ATP13A4: variants seen among roughly 807,000 people sequenced by gnomAD.
ATP13A4 encodes probable cation-transporting ATPase 13A4.
ATP13A4 carries 114 observed loss-of-function variants against 142.5 expected under a neutral mutation model. The observed-to-expected ratio is 0.80, with a 90% CI of 0.69 to 0.93. ATP13A4 has a LOEUF of 0.93. Ranked by LOEUF, ATP13A4 falls within the 40% of genes least tolerant of loss-of-function variation. The pLI is 0.00. For synonymous variants in ATP13A4, 488 were observed against 514.8 expected, an observed-to-expected ratio of 0.95 and a Z score of 0.70; for missense variants, 1,392 against 1,454.0, an observed-to-expected ratio of 0.96 and a Z score of 0.69.
At chr3:193,480,034 A>C (rs1719198304) in intron 8 of ATP13A4, among the ~76,000 whole-genome samples, 1 of 152,184 alleles carries the variant, frequency 6.6e-6, no homozygotes, top group East Asian at 1.9e-4. Flanking sequence ...CTAGTCAACA[A>C]ATGGTGTTGG....
Position 193,467,440 on chromosome 3 carries a change from G to A in ATP13A4, c.990C>T (p.Ser330=), listed in dbSNP as rs780531621. 1 of 1,613,948 alleles carries A rather than the reference G, an allele frequency of 6.2e-7. No individual in the cohort carries two copies. The highest frequency in any genetic ancestry group is 8.5e-7 in the Non-Finnish European group (1 of 1,179,972). ...CACTCTGTGTTTTCCAGGGCACAGAGCTATCCATCTTGGGTAACGGAGTTT... is the reference window on the plus strand; with the variant it reads ...CACTCTGTGTTTTCCAGGGCACAGAACTATCCATCTTGGGTAACGGAGTTT... ...VTKTPLPKMD[S]SVPWKTQSEA... The change falls in exon 10 of 30, where the codon AGC becomes AGT. Residue 330 remains serine (S), a synonymous_variant. Coordinates refer to ENST00000342695, the MANE Select transcript of ATP13A4 (RefSeq NM_032279.4).
chr3:193,545,620 G>C (rs922680792), intron 1 of ATP13A4, among the ~76,000 whole-genome samples: 1 of 152,128 alleles, frequency 6.6e-6, no homozygotes, highest in African/African-American at 2.4e-5. Flanking sequence ...TCTTCACAAA[G>C]CCTTGAAATG....
At chr3:193,465,377 G>T (rs187441867) in intron 11 of ATP13A4, among the ~76,000 whole-genome samples, 4 of 152,048 alleles carry the variant, frequency 2.6e-5, no homozygotes, top group Admixed American at 6.6e-5. Flanking sequence ...TAGTAGAGAC[G>T]GGGTTTTGCC....
intron 2 of ATP13A4, among the ~76,000 whole-genome samples, chr3:193,568,142 G>A (rs1208805292): frequency 1.3e-5 from 2 of 151,972 alleles, no homozygotes; most frequent in East Asian, 1.9e-4. Context: ...TGTATTTTTA[G>A]TAGAGACGGG....
intron 1 of ATP13A4, among the ~76,000 whole-genome samples, chr3:193,521,904 G>A (rs1721738767): frequency 6.6e-6 from 1 of 151,888 alleles, no homozygotes; most frequent in South Asian, 2.1e-4. Flanking sequence ...CTGCACTCCA[G>A]CCTGGGCCAC....
chr3:193,531,629 A>G (rs1331595938), intron 1 of ATP13A4, among the ~76,000 whole-genome samples: 3 of 152,180 alleles, frequency 2.0e-5, no homozygotes, highest in African/African-American at 4.8e-5. Flanking sequence ...TATTTGTTCA[A>G]TTGACATGGT....
At chr3:193,566,058 T>C (rs73063970) in intron 2 of ATP13A4, among the ~76,000 whole-genome samples, 3,352 of 152,206 alleles carry the variant, frequency 0.022, 115 homozygotes, top group African/African-American at 0.072. Context: ...AGATATAGAA[T>C]GCAGTGCCCA....
intron 17 of ATP13A4, among the ~76,000 whole-genome samples, chr3:193,451,059 ACT>A (rs1717246854): frequency 6.6e-6 from 1 of 150,724 alleles, no homozygotes; most frequent in Non-Finnish European, 1.5e-5. Context: ...CTGTTACGGG[ACT>A]CTCTCCCCTG....
intron 29 of ATP13A4, among the ~76,000 whole-genome samples, chr3:193,406,436 T>G (rs1461989012): frequency 6.6e-6 from 1 of 152,172 alleles, no homozygotes; most frequent in Non-Finnish European, 1.5e-5. Flanking sequence ...TAGAGACAGA[T>G]GGAATTCTGC....
intron 18 of ATP13A4, among the ~76,000 whole-genome samples, chr3:193,447,460 G>GT (rs1717021868): frequency 6.6e-6 from 1 of 152,142 alleles, no homozygotes; most frequent in Admixed American, 6.5e-5. Flanking sequence ...GGGAAATAAT[G>GT]TATCTTCGTG....
chr3:193,522,995 T>A (rs902191), intron 1 of ATP13A4, among the ~76,000 whole-genome samples: 21,492 of 152,222 alleles, frequency 0.14, 1,613 homozygotes, highest in Non-Finnish European at 0.16. Context: ...AGGAGTGTAT[T>A]TTGTTATTCA....
chr3:193,576,303 C>T (rs1167412166), intron 2 of ATP13A4, among the ~76,000 whole-genome samples: 2 of 109,284 alleles, frequency 1.8e-5, no homozygotes, highest in Non-Finnish European at 3.3e-5. Flanking sequence ...CTCGCTCTGT[C>T]GCCCAGGCCG....
chr3:193,530,766 G>A (rs1459494589), intron 1 of ATP13A4, among the ~76,000 whole-genome samples: 1 of 152,112 alleles, frequency 6.6e-6, no homozygotes, highest in Non-Finnish European at 1.5e-5. Flanking sequence ...TGATTTCATT[G>A]CTAATGTCCA....
chr3:193,583,370 T>G (rs1409504671), intron 1 of ATP13A4, among the ~76,000 whole-genome samples: 3 of 151,812 alleles, frequency 2.0e-5, no homozygotes, highest in Non-Finnish European at 2.9e-5. Flanking sequence ...GAGGCGGAGG[T>G]TGCAGTGAGC....
At chr3:193,487,948 T>C (rs1316943893) in intron 7 of ATP13A4, among the ~76,000 whole-genome samples, 1 of 152,176 alleles carries the variant, frequency 6.6e-6, no homozygotes, top group Admixed American at 6.5e-5. Flanking sequence ...TGCAGAAAGA[T>C]ATTTAGGATA....
chr3:193,399,553 A>G lies in ATP13A4; in HGVS notation c.*3099T>C, dbSNP rs903861324. Among the ~76,000 whole-genome samples the G allele has an allele frequency of 2.6e-5, 4 of 152,146 alleles. 1 individual carries two copies. The highest frequency in any genetic ancestry group is 5.9e-5 in the Non-Finnish European group (4 of 68,028). ...TGTCTGTCTGGTATTCTGTGTGGGT[A>G]GTAGTAGAAAATAGTTCACATCTGG... On this transcript the variant is annotated 3_prime_UTR_variant, in exon 30 of 30. Transcript: ENST00000342695.
At chr3:193,487,147 T>A (rs999211758) in intron 7 of ATP13A4, among the ~76,000 whole-genome samples, 1 of 152,094 alleles carries the variant, frequency 6.6e-6, no homozygotes, top group Admixed American at 6.6e-5. Context: ...GAGTGTGTTG[T>A]CCCTGAAGCC....
At position 193,442,540 on chromosome 3, in the gene ATP13A4, A is replaced by G. The variant is rs1235858575; in HGVS notation, c.2169T>C (p.Thr723=). 6.2e-7 allele frequency: 1 copy of G among 1,613,838 alleles called. No individual in the cohort carries two copies. Among genetic ancestry groups the G allele is most frequent in the Non-Finnish European group, 8.5e-7 (1 of 1,179,872 alleles). ...CAGATTTTCTGGCCACTGTTATTGCAGTCTGAAGATTGTCACCTAGAGGAA... is the reference window on the plus strand; with the variant it reads ...CAGATTTTCTGGCCACTGTTATTGCGGTCTGAAGATTGTCACCTAGAGGAA... ...TVMITGDNLQ[T]AITVARKSGM... is the part of the protein sequence containing the mutation. The change falls in exon 19 of 30, where the codon ACT becomes ACC. Residue 723 remains threonine (T), a synonymous_variant. Coordinates refer to ENST00000342695, the MANE Select transcript of ATP13A4 (RefSeq NM_032279.4).
chr3:193,528,091 A>G (rs993714676), intron 1 of ATP13A4, among the ~76,000 whole-genome samples: 3 of 152,200 alleles, frequency 2.0e-5, no homozygotes, highest in Non-Finnish European at 4.4e-5. Flanking sequence ...TTAAGGAAAA[A>G]TACAAATGGT....
Sources: allele counts gnomAD v4.1 joint callset (sites outside exome capture counted in the v4.1 genomes callset), GRCh38; gene constraint gnomAD v4.1.1; transcripts MANE v1.5; gene names NCBI Gene and HGNC (gene_info 2026-07-23, HGNC 2026-07-21).